The following AP1AR variants were observed in gnomAD, a reference collection of about 807,000 sequenced individuals.
AP1AR encodes adaptor related protein complex 1 associated regulatory protein, also known as AP-1 complex-associated regulatory protein.
AP1AR carries 29 observed loss-of-function variants against 46.3 expected under a neutral mutation model. The observed-to-expected ratio is 0.63, with a 90% CI of 0.47 to 0.85. AP1AR has a LOEUF of 0.85. AP1AR is among the 40% of genes least tolerant of loss of function. The pLI is 0.00. For synonymous variants in AP1AR, 122 were observed against 122.9 expected (o/e 0.99, Z 0.05); for missense variants, 357 against 356.3 (o/e 1.00, Z -0.02).
At position 112,237,843 on chromosome 4, in the gene AP1AR, G is replaced by A. The variant is rs566072371; in HGVS notation, c.83+5669G>A. Among the ~76,000 whole-genome samples, 4 of 151,856 alleles carry A rather than the reference G, an allele frequency of 2.6e-5. No individual in the cohort carries two copies. The South Asian group carries it at 6.2e-4, about 24-fold the overall frequency. ...CTTACTTACCTTCCCTATGAAACCC[G>A]CTCCAAGCCCCTGAAACCATATTAT... is the stretch of plus-strand genomic sequence containing the variant. On this transcript the variant is annotated intron_variant, in intron 1 of 9. Transcript: ENST00000274000.
Position 112,257,774 on chromosome 4 carries a change from G to T in AP1AR, c.162G>T (p.Gly54=). Reference sequence around the variant, plus strand: ...TTGTTTAATTAATTTTTGTACAGGGGGAGAGCCCAGGAAGCAGTCATAGGT... The same window carrying T: ...TTGTTTAATTAATTTTTGTACAGGGTGAGAGCCCAGGAAGCAGTCATAGGT... The part of the protein sequence containing the change: ...EFENLVESDE[G]ESPGSSHRPL... The change falls in exon 4 of 10, where the codon GGG becomes GGT. Residue 54 remains glycine (G), a splice_region_variant and synonymous_variant. Transcript: ENST00000274000. 1 of 1,563,714 alleles carries T rather than the reference G, an allele frequency of 6.4e-7. No individual in the cohort carries two copies. Among genetic ancestry groups the T allele is most frequent in the Non-Finnish European group, 8.6e-7 (1 of 1,159,184 alleles).
At chr4:112,246,967 G>A (rs1033442825) in intron 1 of AP1AR, among the ~76,000 whole-genome samples, 9 of 152,164 alleles carry the variant, frequency 5.9e-5, no homozygotes, top group African/African-American at 2.2e-4. Context: ...AAATCTTACA[G>A]GAGCCCTTCT....
intron 7 of AP1AR, 126 bp downstream of exon 7, chr4:112,265,193 T>C: frequency 1.5e-6 from 1 of 651,226 alleles, no homozygotes; most frequent in Non-Finnish European, 2.5e-6. Context: ...AATTATTCCT[T>C]CTAAAAGACA....
At chr4:112,241,044 A>AT (rs1725476195) in intron 1 of AP1AR, among the ~76,000 whole-genome samples, 6 of 152,204 alleles carry the variant, frequency 3.9e-5, no homozygotes, top group Admixed American at 3.3e-4. Flanking sequence ...CCTTCTCATT[A>AT]TTAGTTTCCT....
At position 112,265,035 on chromosome 4, in the gene AP1AR, A is replaced by G. The variant is rs774815303; in HGVS notation, c.408A>G (p.Gln136=). 6.2e-7 allele frequency: 1 copy of G among 1,603,800 alleles called. No individual in the cohort carries two copies. The highest frequency in any genetic ancestry group is 1.1e-5 in the South Asian group (1 of 88,460). Residue 136 remains glutamine, a synonymous_variant, in exon 7 of 10, where the codon CAA becomes CAG. Coordinates refer to ENST00000274000, the MANE Select transcript of AP1AR (RefSeq NM_018569.6). ...LEQERQRIVQ[Q]YHPSNNGEYQ... ...AAGAAAGGCAGAGAATTGTGCAGCA[A>G]TATCATCCTTCCAACAATGGAGAAT...
At chr4:112,252,656 TTTGA>T (rs1483258544) in intron 1 of AP1AR, among the ~76,000 whole-genome samples, 2 of 152,214 alleles carry the variant, frequency 1.3e-5, no homozygotes, top group Admixed American at 1.3e-4. Context: ...TAATGGATTG[TTTGA>T]TTGACATGTA....
intron 1 of AP1AR, among the ~76,000 whole-genome samples, chr4:112,235,158 A>AT (rs1235318843): frequency 6.6e-6 from 1 of 152,206 alleles, no homozygotes; most frequent in East Asian, 1.9e-4. Flanking sequence ...CTAATGAGTC[A>AT]TACTTCTTCA....
intron 6 of AP1AR, among the ~76,000 whole-genome samples, chr4:112,264,474 G>A (rs184675847): frequency 2.6e-5 from 4 of 152,264 alleles, no homozygotes; most frequent in African/African-American, 9.6e-5. Context: ...ATTTATAGGT[G>A]AAGGAACAGT....
At chr4:112,263,393 G>T (rs1180407647) in intron 6 of AP1AR, among the ~76,000 whole-genome samples, 1 of 151,204 alleles carries the variant, frequency 6.6e-6, no homozygotes, top group East Asian at 1.9e-4. Flanking sequence ...AAAATTAAAT[G>T]TACTCTTAGA....
chr4:112,269,138 G>T lies in AP1AR; in HGVS notation c.*729G>T, dbSNP rs1001573720. On this transcript the variant is annotated 3_prime_UTR_variant, in exon 10 of 10. Coordinates refer to ENST00000274000, the MANE Select transcript of AP1AR (RefSeq NM_018569.6). The stretch of plus-strand genomic sequence containing the variant: ...TAGTTTTTTCCACTTCATTTTACAT[G>T]CCACTATATTGACTTTAATTGATAT... 3 of 150,286 alleles carry T rather than the reference G, an allele frequency of 2.0e-5. No individual in the cohort carries two copies. Among genetic ancestry groups the T allele is most frequent in the Non-Finnish European group, 4.5e-5 (3 of 67,406 alleles). 9.3% of individuals were successfully genotyped at this position (150,286 alleles called of 1,614,324 possible).
intron 1 of AP1AR, among the ~76,000 whole-genome samples, chr4:112,237,300 G>T (rs1419604160): frequency 6.6e-6 from 1 of 152,002 alleles, no homozygotes; most frequent in East Asian, 1.9e-4. Flanking sequence ...TAGAGACGGG[G>T]TTTCGCCATG....
chr4:112,236,807 A>G (rs955029342), intron 1 of AP1AR, among the ~76,000 whole-genome samples: 1 of 152,172 alleles, frequency 6.6e-6, no homozygotes, highest in Non-Finnish European at 1.5e-5. Context: ...ATTTAGTTCT[A>G]TATTTGGGTT....
At position 112,237,402 on chromosome 4, in the gene AP1AR, G is replaced by A. The variant is rs140773131; in HGVS notation, c.83+5228G>A. 1.2e-3 allele frequency among the ~76,000 whole-genome samples: 188 copies of A among 152,148 alleles called. 2 individuals carry two copies. The highest frequency in any genetic ancestry group is 4.3e-3 in the African/African-American group (180 of 41,492). On this transcript the variant is annotated intron_variant, in intron 1 of 9. Coordinates refer to ENST00000274000, the MANE Select transcript of AP1AR (RefSeq NM_018569.6). The stretch of plus-strand genomic sequence containing the variant: ...ATTACAGGCGTGAGCCACTGCGCCT[G>A]GCCAAATACAGTGTTTTCTAACCCT...
intron 1 of AP1AR, among the ~76,000 whole-genome samples, chr4:112,244,420 C>T (rs1350756832): frequency 6.6e-6 from 1 of 152,102 alleles, no homozygotes; most frequent in Non-Finnish European, 1.5e-5. Flanking sequence ...AGTGGGTGAA[C>T]GGGCTGGAAT....
chr4:112,232,122 G>T lies in AP1AR; in HGVS notation c.31G>T (p.Gly11Ter). 1 of 1,300,418 alleles carries T rather than the reference G, an allele frequency of 7.7e-7. No individual in the cohort carries two copies. Among genetic ancestry groups the T allele is most frequent in the East Asian group, 3.1e-5 (1 of 32,286 alleles). 80.6% of individuals were successfully genotyped at this position (1,300,418 alleles called of 1,614,324 possible). MGNCCWTQCF[G>*]LLRKEAGRLQ... is the part of the protein sequence containing the mutation. ...GAACTGCTGCTGGACGCAGTGCTTC[G>T]GACTGCTTCGCAAGGAAGCGGGGCG... The change falls in exon 1 of 10, where the codon GGA (glycine) becomes TGA (stop). Residue 11 changes from glycine (G) to a stop codon, truncating the protein, a stop_gained. Transcript: ENST00000274000. LOFTEE classifies it high-confidence loss of function.
chr4:112,236,856 C>T (rs1444274777), intron 1 of AP1AR, among the ~76,000 whole-genome samples: 1 of 152,154 alleles, frequency 6.6e-6, no homozygotes, highest in African/African-American at 2.4e-5. Flanking sequence ...GGATACAAAT[C>T]AGTGAGAAAA....
chr4:112,236,565 T>C lies in AP1AR; in HGVS notation c.83+4391T>C, dbSNP rs1725250923. Among the ~76,000 whole-genome samples the C allele has an allele frequency of 2.6e-5, 4 of 152,220 alleles. No individual in the cohort carries two copies. In the South Asian group the frequency reaches 8.3e-4, roughly 32 times the overall value. ...ACAGGCACCCACCACCATGCCTGGC[T>C]AATTTTTGTATTTTTAATAGAGACA... On this transcript the variant is annotated intron_variant, in intron 1 of 9. Coordinates refer to ENST00000274000, the MANE Select transcript of AP1AR (RefSeq NM_018569.6).
In AP1AR at chr4:112,245,673, G is replaced by A. The variant is rs917171082; in HGVS notation, c.84-7535G>A. Among the ~76,000 whole-genome samples, 3 of 152,220 alleles carry A rather than the reference G, an allele frequency of 2.0e-5. No individual in the cohort carries two copies. The East Asian group carries it at 5.8e-4, about 29-fold the overall frequency. ...CATAGGATGATTCTGGGAAGCAAAT[G>A]AATATAAAATACATATTTTAAAAAT... On this transcript the variant is annotated intron_variant, in intron 1 of 9. Transcript: ENST00000274000.
chr4:112,248,429 A>C (rs1238444640), intron 1 of AP1AR, among the ~76,000 whole-genome samples: 1 of 152,224 alleles, frequency 6.6e-6, no homozygotes, highest in Admixed American at 6.5e-5. Context: ...TTTAAAAAAA[A>C]CAGTTCTTAA....
Sources: gnomAD v4.1 joint callset for allele counts (sites outside exome capture counted in the v4.1 genomes callset) on GRCh38, gnomAD v4.1.1 for gene constraint, MANE v1.5 for transcripts, NCBI Gene and HGNC (gene_info 2026-07-23, HGNC 2026-07-21) for gene names.